ZNF385D: variants seen among roughly 807,000 people sequenced by gnomAD.
ZNF385D encodes the protein zinc finger protein 385D, also known as zinc finger protein 659.
Under a neutral mutation model 35.8 loss-of-function variants are expected in ZNF385D, and 15 were observed. The observed-to-expected ratio is 0.42, with a 90% CI of 0.28 to 0.64. The LOEUF (loss-of-function observed/expected upper bound fraction) is 0.64, where lower values mean the gene tolerates loss of function less well. Among genes scored for constraint, ZNF385D ranks in the 30% least tolerant of loss-of-function variants. The pLI is 0.23. For synonymous variants in ZNF385D, 212 were observed against 186.8 expected (o/e 1.13, Z -1.10); for missense variants, 474 against 494.6 (o/e 0.96, Z 0.39).
At chr3:22,066,588 A>G (rs2125553516) in intron 3 of ZNF385D, among the ~76,000 whole-genome samples, 1 of 146,762 alleles carries the variant, frequency 6.8e-6, no homozygotes, top group Non-Finnish European at 1.5e-5. Context: ...GTGTAAGTAA[A>G]AAGATACTGG....
chr3:21,716,995 T>C (rs1381727845), intron 1 of ZNF385D, among the ~76,000 whole-genome samples: 1 of 151,948 alleles, frequency 6.6e-6, no homozygotes, highest in Non-Finnish European at 1.5e-5. Flanking sequence ...TGGTGTAGTG[T>C]GGTGATGTGC....
intron 3 of ZNF385D, chr3:22,133,545 T>C (rs945452374): frequency 7.9e-5 from 12 of 152,058 alleles, no homozygotes; most frequent in Non-Finnish European, 1.8e-4. Flanking sequence ...AGACTGCATA[T>C]CTGGTTTGAG....
chr3:21,520,863 A>G (rs1240294826), intron 3 of ZNF385D, among the ~76,000 whole-genome samples: 3 of 152,192 alleles, frequency 2.0e-5, no homozygotes, highest in Non-Finnish European at 4.4e-5. Context: ...CACCATTTTT[A>G]AACTTCTAAA....
intron 3 of ZNF385D, among the ~76,000 whole-genome samples, chr3:22,071,230 T>C (rs562456385): frequency 5.3e-5 from 8 of 152,282 alleles, no homozygotes; most frequent in Non-Finnish European, 1.2e-4. Flanking sequence ...ACAAATAATA[T>C]CCCAAAGGTT....
At chr3:21,811,511 T>C (rs900916435) in intron 3 of ZNF385D, among the ~76,000 whole-genome samples, 6 of 152,136 alleles carry the variant, frequency 3.9e-5, no homozygotes, top group African/African-American at 1.2e-4. Context: ...TATGTTAAAA[T>C]GTGAGAATTC....
intron 4 of ZNF385D, among the ~76,000 whole-genome samples, chr3:21,445,201 C>T (rs1389674245): frequency 1.3e-5 from 2 of 152,100 alleles, no homozygotes; most frequent in East Asian, 1.9e-4. Context: ...CAAGTCAAAG[C>T]GTATATTCTC....
chr3:21,614,458 G>T (rs563183785), intron 2 of ZNF385D, among the ~76,000 whole-genome samples: 1 of 152,198 alleles, frequency 6.6e-6, no homozygotes, highest in Non-Finnish European at 1.5e-5. Context: ...GAAGAATATA[G>T]TTCAGACCCT....
At chr3:21,795,884 A>C (rs2072127730) in intron 3 of ZNF385D, among the ~76,000 whole-genome samples, 1 of 152,258 alleles carries the variant, frequency 6.6e-6, no homozygotes, top group Admixed American at 6.5e-5. Flanking sequence ...AACAAACAAA[A>C]GAATATTAAT....
chr3:22,063,729 G>A (rs1195929360), intron 3 of ZNF385D, among the ~76,000 whole-genome samples: 1 of 152,072 alleles, frequency 6.6e-6, no homozygotes, highest in Non-Finnish European at 1.5e-5. Context: ...GCTGAAAATA[G>A]GCGTCTCACC....
chr3:22,085,202 G>C (rs913226310), intron 3 of ZNF385D, among the ~76,000 whole-genome samples: 7 of 152,086 alleles, frequency 4.6e-5, no homozygotes, highest in Non-Finnish European at 1.0e-4. Flanking sequence ...TCAAAAGCTA[G>C]CAGAAGACAA....
intron 2 of ZNF385D, among the ~76,000 whole-genome samples, chr3:21,571,031 C>T (rs78088972): frequency 0.12 from 6,394 of 54,998 alleles, 219 homozygotes; most frequent in East Asian, 0.27. Flanking sequence ...ATAACTTACA[C>T]ACAAAAAGTA....
intron 3 of ZNF385D, among the ~76,000 whole-genome samples, chr3:21,830,230 G>A (rs940702297): frequency 6.6e-6 from 1 of 152,180 alleles, no homozygotes; most frequent in African/African-American, 2.4e-5. Flanking sequence ...CTGACACTCT[G>A]TCTGTTATGC....
chr3:21,917,648 A>G (rs1700253813), intron 3 of ZNF385D, among the ~76,000 whole-genome samples: 1 of 152,212 alleles, frequency 6.6e-6, no homozygotes, highest in Non-Finnish European at 1.5e-5. Context: ...ATAGAGTTTT[A>G]AAGTCATATA....
chr3:21,499,124 T>C (rs114969767), intron 4 of ZNF385D, among the ~76,000 whole-genome samples: 1,730 of 152,188 alleles, frequency 0.011, 32 homozygotes, highest in African/African-American at 0.04. Context: ...AACCCCTTTT[T>C]TGAGTATATC....
chr3:21,843,257 G>A (rs766931547), intron 3 of ZNF385D, among the ~76,000 whole-genome samples: 1 of 151,938 alleles, frequency 6.6e-6, no homozygotes, highest in Non-Finnish European at 1.5e-5. Context: ...CCAGCAGGTA[G>A]AAGCACTCAG....
chr3:21,566,612 C>CTCTG (rs1491551101), intron 2 of ZNF385D, among the ~76,000 whole-genome samples: 2 of 152,192 alleles, frequency 1.3e-5, no homozygotes, highest in African/African-American at 4.8e-5. Flanking sequence ...CAGAGTGAGA[C>CTCTG]TCTGTCTCAA....
intron 3 of ZNF385D, among the ~76,000 whole-genome samples, chr3:21,977,339 T>C (rs1194792618): frequency 6.6e-6 from 1 of 151,450 alleles, no homozygotes; most frequent in African/African-American, 2.4e-5. Context: ...AAAAAAAAAT[T>C]TGTTTTTAAT....
intron 3 of ZNF385D, among the ~76,000 whole-genome samples, chr3:21,946,818 CGACACT>C (rs1173385335): frequency 6.6e-6 from 1 of 152,150 alleles, no homozygotes; most frequent in African/African-American, 2.4e-5. Context: ...GGTGATAGAG[CGACACT>C]CCGTGTCTAA....
chr3:22,005,056 C>CAAAAAAAAAAA (rs71044965), intron 3 of ZNF385D, among the ~76,000 whole-genome samples: 12 of 57,370 alleles, frequency 2.1e-4, no homozygotes, highest in Non-Finnish European at 3.6e-4. Context: ...CACTCAGCAG[C>CAAAAAAAAAAA]AAAAAAAAAA....
Sources: allele counts gnomAD v4.1 joint callset (sites outside exome capture counted in the v4.1 genomes callset), GRCh38; gene constraint gnomAD v4.1.1; transcripts MANE v1.5; gene names NCBI Gene and HGNC (gene_info 2026-07-23, HGNC 2026-07-21).